The following SPMIP2 variants were observed in gnomAD, a reference collection of about 807,000 sequenced individuals.
SPMIP2 encodes the protein protein SPMIP2.
At chr4:158,959,079 A>G in the SPMIP2 span, among the ~76,000 whole-genome samples, 9 of 152,244 alleles carry the variant, frequency 5.9e-5, no homozygotes, top group Non-Finnish European at 1.2e-4. Context: ...TTCAACCCAC[A>G]GCATATTCCC....
the SPMIP2 span, among the ~76,000 whole-genome samples, chr4:158,977,049 A>C: frequency 6.6e-6 from 1 of 152,068 alleles, no homozygotes; most frequent in East Asian, 1.9e-4. Context: ...TATTGGCCTG[A>C]AATTTTCTTT....
At chr4:158,945,171 G>A in the SPMIP2 span, among the ~76,000 whole-genome samples, 8 of 152,090 alleles carry the variant, frequency 5.3e-5, no homozygotes, top group South Asian at 2.1e-4. Flanking sequence ...ACTGAGGTCC[G>A]CTCTTCTTGA....
At chr4:159,068,475 A>G in the SPMIP2 span, among the ~76,000 whole-genome samples, 2 of 143,230 alleles carry the variant, frequency 1.4e-5, no homozygotes, top group Non-Finnish European at 3.0e-5. Context: ...ACACATGGAC[A>G]CAGGAAGGGG....
the SPMIP2 span, among the ~76,000 whole-genome samples, chr4:159,036,354 C>T: frequency 6.6e-6 from 1 of 152,212 alleles, no homozygotes; most frequent in Non-Finnish European, 1.5e-5. Flanking sequence ...TCAGCACCTT[C>T]GGGGTCTGCC....
At chr4:158,952,679 T>C in the SPMIP2 span, among the ~76,000 whole-genome samples, 1 of 152,058 alleles carries the variant, frequency 6.6e-6, no homozygotes, top group Non-Finnish European at 1.5e-5. Context: ...GACAGGAAAA[T>C]GTGAGAAAGT....
At chr4:159,005,367 C>T in the SPMIP2 span, among the ~76,000 whole-genome samples, 1 of 152,024 alleles carries the variant, frequency 6.6e-6, no homozygotes, top group African/African-American at 2.4e-5. Context: ...TTGCTTAAAC[C>T]TGGGAGGCAG....
At chr4:158,979,973 A>G in the SPMIP2 span, among the ~76,000 whole-genome samples, 1 of 151,996 alleles carries the variant, frequency 6.6e-6, no homozygotes, top group South Asian at 2.1e-4. Context: ...TGCTGTCGGC[A>G]CGGCAGTCTG....
chr4:158,930,502 C>T, the SPMIP2 span, among the ~76,000 whole-genome samples: 7 of 108,974 alleles, frequency 6.4e-5, no homozygotes, highest in Admixed American at 6.9e-4. Context: ...GCCTGTAATG[C>T]CTGGCTTTTT....
At chr4:159,016,778 G>A in the SPMIP2 span, among the ~76,000 whole-genome samples, 2 of 152,178 alleles carry the variant, frequency 1.3e-5, no homozygotes, top group Non-Finnish European at 2.9e-5. Context: ...GCCGCAGCTG[G>A]GCCACTGGAG....
the SPMIP2 span, among the ~76,000 whole-genome samples, chr4:158,926,527 A>G: frequency 6.6e-6 from 1 of 152,168 alleles, no homozygotes; most frequent in Non-Finnish European, 1.5e-5. Context: ...AGATGTCATC[A>G]TAGTTCCGTG....
the SPMIP2 span, among the ~76,000 whole-genome samples, chr4:159,015,382 G>T: frequency 6.6e-6 from 1 of 152,160 alleles, no homozygotes; most frequent in African/African-American, 2.4e-5. Flanking sequence ...TTACATTATT[G>T]TAGGAATAGT....
chr4:158,894,451 C>CACTTTGTAGTGCATA, the SPMIP2 span, among the ~76,000 whole-genome samples: 1 of 152,064 alleles, frequency 6.6e-6, no homozygotes, highest in East Asian at 1.9e-4. Context: ...GGATTACATG[C>CACTTTGTAGTGCATA]GTGAGCCACT....
chr4:158,927,802 G>A, the SPMIP2 span, among the ~76,000 whole-genome samples: 6 of 152,348 alleles, frequency 3.9e-5, no homozygotes, highest in Admixed American at 6.5e-5. Flanking sequence ...CGGAGCAGCC[G>A]GCGGGCCCTG....
chr4:159,075,254 A>C, the SPMIP2 span, among the ~76,000 whole-genome samples: 19 of 152,330 alleles, frequency 1.2e-4, no homozygotes, highest in African/African-American at 4.3e-4. Flanking sequence ...ACACATGCAT[A>C]TACATGTACA....
At chr4:158,990,756 G>C in the SPMIP2 span, among the ~76,000 whole-genome samples, 1 of 152,078 alleles carries the variant, frequency 6.6e-6, no homozygotes, top group East Asian at 1.9e-4. Flanking sequence ...GCTAGGAGAG[G>C]GATAGCATTA....
the SPMIP2 span, among the ~76,000 whole-genome samples, chr4:158,969,315 A>C: frequency 1.3e-5 from 2 of 152,230 alleles, no homozygotes; most frequent in South Asian, 4.1e-4. Flanking sequence ...ACGGGATTGA[A>C]ACTAAAGAAA....
the SPMIP2 span, among the ~76,000 whole-genome samples, chr4:159,035,595 T>TAC: frequency 6.6e-6 from 1 of 152,148 alleles, no homozygotes; most frequent in Non-Finnish European, 1.5e-5. Flanking sequence ...ATGAGATAAT[T>TAC]ACACACACAC....
At chr4:158,949,190 T>C in the SPMIP2 span, among the ~76,000 whole-genome samples, 1 of 152,226 alleles carries the variant, frequency 6.6e-6, no homozygotes, top group Admixed American at 6.5e-5. Flanking sequence ...ATTATTTCAG[T>C]GTGCTGTACT....
chr4:159,079,795 T>C, the SPMIP2 span, among the ~76,000 whole-genome samples: 1 of 152,216 alleles, frequency 6.6e-6, no homozygotes, highest in South Asian at 2.1e-4. Flanking sequence ...GATTGTTCTT[T>C]CCTGCTTTTA....
Sources: allele counts gnomAD v4.1 joint callset (sites outside exome capture counted in the v4.1 genomes callset), GRCh38; gene constraint gnomAD v4.1.1; transcripts MANE v1.5; gene names NCBI Gene and HGNC (gene_info 2026-07-23, HGNC 2026-07-21).